Variants in PRKN observed in about 807,000 individuals in gnomAD.
PRKN encodes parkin RBR E3 ubiquitin protein ligase.
PRKN carries 56 observed loss-of-function variants against 59.5 expected under a neutral mutation model. That is an observed-to-expected ratio of 0.94 (90% CI 0.76 to 1.18). PRKN has a LOEUF of 1.18. PRKN is among the 50% of genes most tolerant of loss of function. PRKN has a pLI of 0.00. For missense variants in PRKN, 657 were observed against 596.4 expected (o/e 1.10, Z -1.06); for synonymous variants, 250 against 222.1 (o/e 1.13, Z -1.12).
chr6:161,610,528 C>A (rs1017528134), intron 7 of PRKN, among the ~76,000 whole-genome samples: 3 of 148,288 alleles, frequency 2.0e-5, no homozygotes, highest in Admixed American at 1.3e-4. Flanking sequence ...CACACACACA[C>A]AAATTTAAGA....
intron 3 of PRKN, among the ~76,000 whole-genome samples, chr6:162,243,715 G>A (rs1779083533): frequency 6.6e-6 from 1 of 152,122 alleles, no homozygotes; most frequent in Non-Finnish European, 1.5e-5. Flanking sequence ...GAGGATAATG[G>A]AGATTTTTGA....
rs190547048 is a variant in PRKN at position 162,018,643 on chromosome 6, C to T, written c.618+35448G>A. ...AGTATAGAAAATTGTAATGTGCGAA[C>T]TGATCATTTCAAAGTGATTTCTCAG... On this transcript the variant is annotated intron_variant, in intron 5 of 11. Coordinates refer to ENST00000366898, the MANE Select transcript of PRKN (RefSeq NM_004562.3). Among the ~76,000 whole-genome samples the T allele has an allele frequency of 1.1e-4, 17 of 152,270 alleles. No individual in the cohort carries two copies. In the East Asian group the frequency reaches 3.1e-3, roughly 28 times the overall value.
rs139598151 is a variant in PRKN, at chr6:161,432,236, CCTGA to C, written c.1084-45363_1084-45360del. Among the ~76,000 whole-genome samples the C allele has an allele frequency of 9.4e-3, 1,430 of 152,240 alleles. 28 individuals carry two copies. Among genetic ancestry groups the C allele is most frequent in the African/African-American group, 0.033 (1,365 of 41,528 alleles). On this transcript the variant is annotated intron_variant, in intron 9 of 11. Transcript: ENST00000366898. ...AATGAATATTCTATGTCATTCTGAT[CCTGA>C]CTGTTTTTCATAACTCATCTTGCAA...
Position 161,400,490 on chromosome 6 carries a change from T to C in PRKN, c.1084-13613A>G, listed in dbSNP as rs2114978503. Among the ~76,000 whole-genome samples the C allele has an allele frequency of 6.6e-6, 1 of 152,088 alleles. No homozygotes were observed. The highest frequency in any genetic ancestry group is 2.1e-4 in the South Asian group (1 of 4,812). ...GCCCAGCTAATTTTTGTATTTTTAGTAGAGACGGGGTTTCGCTTTCGCCAT... is the reference window on the plus strand; with the variant it reads ...GCCCAGCTAATTTTTGTATTTTTAGCAGAGACGGGGTTTCGCTTTCGCCAT... On this transcript the variant is annotated intron_variant, in intron 9 of 11. Coordinates refer to ENST00000366898, the MANE Select transcript of PRKN (RefSeq NM_004562.3). This position sits in a 1 kb window ranked among gnomAD's most constrained non-coding sequence, Gnocchi z 4.2.
At position 162,210,249 on chromosome 6, in the gene PRKN, C is replaced by G. The variant is rs1029544726; in HGVS notation, c.413-8997G>C. 2.0e-5 allele frequency among the ~76,000 whole-genome samples: 3 copies of G among 152,210 alleles called. No homozygotes were observed. In the South Asian group the frequency reaches 6.2e-4, roughly 32 times the overall value. On this transcript the variant is annotated intron_variant, in intron 3 of 11. Transcript: ENST00000366898. ...TGTTCTCTCATCTGCAATTATATGTCTACTATTATTGTCTCAGTAGACAAT... is the reference window on the plus strand; with the variant it reads ...TGTTCTCTCATCTGCAATTATATGTGTACTATTATTGTCTCAGTAGACAAT...
At chr6:162,285,046 G>A (rs1357273733) in intron 2 of PRKN, among the ~76,000 whole-genome samples, 4 of 152,092 alleles carry the variant, frequency 2.6e-5, no homozygotes, top group African/African-American at 4.8e-5. Context: ...GAAGGTACAC[G>A]GAGAAGACAT....
chr6:162,185,712 T>C (rs1364746577), intron 4 of PRKN, among the ~76,000 whole-genome samples: 2 of 152,158 alleles, frequency 1.3e-5, no homozygotes, highest in Non-Finnish European at 2.9e-5. Flanking sequence ...GGAACATCTA[T>C]AACATGACAT....
chr6:162,091,862 G>A (rs1779509562), intron 4 of PRKN, among the ~76,000 whole-genome samples: 1 of 151,824 alleles, frequency 6.6e-6, no homozygotes, highest in African/African-American at 2.4e-5. Context: ...CAAAGTGAGA[G>A]CCGATTCTAC....
chr6:162,614,353 A>G (rs1782314232), intron 1 of PRKN, among the ~76,000 whole-genome samples: 1 of 152,160 alleles, frequency 6.6e-6, no homozygotes, highest in Non-Finnish European at 1.5e-5. Context: ...AATCAGGCAA[A>G]GGGCCACATT....
At chr6:162,409,309 T>C (rs894734922) in intron 2 of PRKN, among the ~76,000 whole-genome samples, 1 of 151,986 alleles carries the variant, frequency 6.6e-6, no homozygotes, top group Non-Finnish European at 1.5e-5. Context: ...GAACTACAGG[T>C]GTGCTCTACC....
chr6:162,358,511 C>T (rs1195112390), intron 2 of PRKN, among the ~76,000 whole-genome samples: 1 of 152,104 alleles, frequency 6.6e-6, no homozygotes, highest in African/African-American at 2.4e-5. Flanking sequence ...TTAAATGCTA[C>T]AAATTTACAT....
At chr6:162,053,965 C>A in intron 5 of PRKN, 126 bp downstream of exon 5, 1 of 784,320 alleles carries the variant, frequency 1.3e-6, no homozygotes, top group Admixed American at 1.8e-5. Context: ...AATATCATAA[C>A]ACTTTTGGCA....
intron 2 of PRKN, among the ~76,000 whole-genome samples, chr6:162,311,292 T>C (rs1782503518): frequency 6.6e-6 from 1 of 152,144 alleles, no homozygotes; most frequent in Non-Finnish European, 1.5e-5. Context: ...AGATGGTTTG[T>C]ACCTGGCAAC....
At chr6:162,406,594 T>C (rs965926239) in intron 2 of PRKN, among the ~76,000 whole-genome samples, 3 of 152,214 alleles carry the variant, frequency 2.0e-5, no homozygotes, top group African/African-American at 4.8e-5. Context: ...ACTGTGACTA[T>C]ACCATGTGGT....
At chr6:162,588,338 G>A (rs1442767266) in intron 1 of PRKN, among the ~76,000 whole-genome samples, 1 of 151,518 alleles carries the variant, frequency 6.6e-6, no homozygotes, top group Admixed American at 6.6e-5. Context: ...CTGTGAGAAA[G>A]GCCAAATTTC....
At chr6:162,662,791 T>G (rs184140352) in intron 1 of PRKN, among the ~76,000 whole-genome samples, 52 of 152,332 alleles carry the variant, frequency 3.4e-4, no homozygotes, top group African/African-American at 1.1e-3. Context: ...TGTGTGTATT[T>G]TTATACCAGT....
intron 5 of PRKN, among the ~76,000 whole-genome samples, chr6:162,035,544 A>C (rs886989639): frequency 6.6e-6 from 1 of 152,214 alleles, no homozygotes; most frequent in East Asian, 1.9e-4. Context: ...CATCTGATTT[A>C]TTTTCAAACT....
chr6:162,113,273 T>C (rs778683078), intron 4 of PRKN, among the ~76,000 whole-genome samples: 9 of 152,230 alleles, frequency 5.9e-5, no homozygotes, highest in Admixed American at 4.6e-4. Context: ...TACATTCTGC[T>C]GCACACTGTA....
chr6:162,202,394 T>C (rs1208112226), intron 3 of PRKN, among the ~76,000 whole-genome samples: 5 of 152,206 alleles, frequency 3.3e-5, no homozygotes, highest in African/African-American at 9.6e-5. Context: ...CCTAATACTG[T>C]AGGTGACAAT....
Sources: allele counts gnomAD v4.1 joint callset (sites outside exome capture counted in the v4.1 genomes callset), GRCh38; gene constraint gnomAD v4.1.1; non-coding constraint Gnocchi (gnomAD v3.1); transcripts MANE v1.5; gene names NCBI Gene and HGNC (gene_info 2026-07-23, HGNC 2026-07-21).